The following CDCA5 variants were observed in gnomAD, a reference collection of about 807,000 sequenced individuals.
CDCA5 encodes the protein sororin.
Under a neutral mutation model 25.7 loss-of-function variants are expected in CDCA5, and 14 were observed. That is an observed-to-expected ratio of 0.54 (90% confidence interval 0.36 to 0.85). CDCA5 has a LOEUF of 0.85. Among genes scored for constraint, CDCA5 ranks in the 40% least tolerant of loss-of-function variants. The pLI, the probability that CDCA5 is intolerant of heterozygous loss-of-function variation, is 0.01. For synonymous variants in CDCA5, 127 were observed against 128.7 expected (o/e 0.99, Z 0.09); for missense variants, 307 against 324.5 (o/e 0.95, Z 0.41).
downstream of CDCA5, among the ~76,000 whole-genome samples, chr11:65,063,115 C>G (rs530031020): frequency 6.6e-6 from 1 of 152,238 alleles, no homozygotes; most frequent in African/African-American, 2.4e-5. Flanking sequence ...GGGCACGAGA[C>G]CCCTGGGAAG....
downstream of CDCA5, among the ~76,000 whole-genome samples, chr11:65,064,025 G>C (rs1202803980): frequency 6.6e-6 from 1 of 152,182 alleles, no homozygotes; most frequent in East Asian, 1.9e-4. Context: ...GTTTGGAGCT[G>C]GTTGGGGAGG....
exon 7 of CDCA5, chr11:65,066,431 A>G: frequency 1.6e-6 from 2 of 1,267,588 alleles, no homozygotes; most frequent in Non-Finnish European, 2.0e-6. Context: ...GGGGCAGGTC[A>G]GGCAGCTTGA....
rs376710891 is a variant in CDCA5 at position 65,083,498 on chromosome 11, G to A, written c.194C>T (p.Ala65Val). The A allele has an allele frequency of 2.5e-5, 40 of 1,614,070 alleles. No individual in the cohort carries two copies. In the South Asian group the frequency reaches 4.3e-4, roughly 17 times the overall value. Residue 65 changes from alanine to valine, a missense_variant, in exon 3 of 6, where the codon GCC (alanine) becomes GTC (valine). By Grantham distance (64) the Ala-to-Val change is moderately conservative. Transcript: ENST00000275517. ...CTTAGCCTTTACCTCTACAGCATGGGCCACGATCCTCTTTAAGACGATGGG... is the reference window on the plus strand; with the variant it reads ...CTTAGCCTTTACCTCTACAGCATGGACCACGATCCTCTTTAAGACGATGGG... ...RKPIVLKRIV[A>V]HAVEVPAVQS...
At position 65,066,840 on chromosome 11, in the gene CDCA5, C is replaced by G. The variant is rs756526570; in HGVS notation, c.408G>C (p.Leu136=). The G allele has an allele frequency of 1.5e-5, 19 of 1,289,228 alleles. No individual in the cohort carries two copies. The South Asian group carries it at 2.2e-4, about 15-fold the overall frequency. 79.9% of individuals were successfully genotyped at this position (1,289,228 alleles called of 1,614,324 possible). ...GGTTCTGCAGCTTCTCCCCCAGGGC[C>G]AGGTTGTGCACTTGGGTGGTGTTCA... The change falls in exon 5 of 7, where the codon CTG becomes CTC. Residue 136 remains leucine, a synonymous_variant. Transcript: ENST00000525464.
At chr11:65,075,227 T>C (rs1460843381), downstream of CDCA5, among the ~76,000 whole-genome samples, 2 of 151,738 alleles carry the variant, frequency 1.3e-5, no homozygotes, top group Non-Finnish European at 2.9e-5. Flanking sequence ...CGAAACCCCG[T>C]CTCTACTAAA....
intron 5 of CDCA5, 32 bp from the exon 6 acceptor site, chr11:65,079,219 G>A (rs764587018): frequency 7.1e-6 from 11 of 1,549,440 alleles, no homozygotes; most frequent in Non-Finnish European, 9.6e-6. Flanking sequence ...GCAGGTGAGT[G>A]AGAAGGGAAC....
chr11:65,068,225 GC>G, intron 2 of CDCA5: 1 of 750,256 alleles, frequency 1.3e-6, no homozygotes, highest in Non-Finnish European at 2.0e-6. Flanking sequence ...TCTTTCAGGG[GC>G]CCCATCGTCT....
At chr11:65,075,226 G>T (rs986044154), downstream of CDCA5, among the ~76,000 whole-genome samples, 3 of 151,828 alleles carry the variant, frequency 2.0e-5, no homozygotes, top group Non-Finnish European at 4.4e-5. Context: ...ACGAAACCCC[G>T]TCTCTACTAA....
At chr11:65,075,212 C>T (rs991360920), downstream of CDCA5, among the ~76,000 whole-genome samples, 3 of 151,866 alleles carry the variant, frequency 2.0e-5, no homozygotes, top group African/African-American at 7.3e-5. Flanking sequence ...GCTTGGCCAA[C>T]ATAACGAAAC....
At chr11:65,083,182 G>A in intron 4 of CDCA5, 182 bp downstream of exon 4, 1 of 653,516 alleles carries the variant, frequency 1.5e-6, no homozygotes, top group Non-Finnish European at 2.7e-6. Context: ...GGCATAAAAA[G>A]TTAAGTGTAT....
chr11:65,064,106 G>A (rs1168445300), downstream of CDCA5, among the ~76,000 whole-genome samples: 1 of 152,152 alleles, frequency 6.6e-6, no homozygotes, highest in Non-Finnish European at 1.5e-5. Context: ...CGCTGTCCCA[G>A]GCTGAGACAT....
intron 3 of CDCA5, chr11:65,067,863 T>A: frequency 1.2e-6 from 1 of 821,842 alleles, no homozygotes; most frequent in Non-Finnish European, 1.7e-6. Flanking sequence ...CAGGCCTCTC[T>A]GGGCCTCCTC....
chr11:65,062,399 C>G (rs1024942780), downstream of CDCA5, among the ~76,000 whole-genome samples: 2 of 152,158 alleles, frequency 1.3e-5, no homozygotes, highest in African/African-American at 2.4e-5. Context: ...CCATAGAGCC[C>G]TTCATGTCTC....
At chr11:65,064,403 A>G (rs911309987), downstream of CDCA5, among the ~76,000 whole-genome samples, 1 of 145,610 alleles carries the variant, frequency 6.9e-6, no homozygotes, top group Admixed American at 7.0e-5. Context: ...GGGCGACAGA[A>G]CAAGACTCTG....
intron 4 of CDCA5, among the ~76,000 whole-genome samples, chr11:65,081,628 A>AG (rs1410859989): frequency 6.6e-6 from 1 of 152,034 alleles, no homozygotes; most frequent in Non-Finnish European, 1.5e-5. Flanking sequence ...GTGTTCTTAG[A>AG]GGGGGGAGAG....
downstream of CDCA5, among the ~76,000 whole-genome samples, chr11:65,075,451 T>C (rs377412351): frequency 6.6e-6 from 1 of 152,064 alleles, no homozygotes; most frequent in East Asian, 1.9e-4. Flanking sequence ...ATTGTGTGTT[T>C]TAGGAAATGT....
intron 1 of CDCA5, among the ~76,000 whole-genome samples, chr11:65,071,067 G>A (rs1226922768): frequency 2.0e-5 from 3 of 150,100 alleles, no homozygotes; most frequent in Admixed American, 6.7e-5. Flanking sequence ...TCAGCCTCCC[G>A]AGTAGCTGGG....
At position 65,077,986 on chromosome 11, in the gene CDCA5, G is replaced by A; in HGVS notation, c.*1121C>T. ...ATCCACACTATTGAATCCACACGAT[G>A]GAAAGAAGAGAAAGATGGGGAAATT... On this transcript the variant is annotated 3_prime_UTR_variant, in exon 6 of 6. Coordinates refer to ENST00000275517, the MANE Select transcript of CDCA5 (RefSeq NM_080668.4). The A allele has an allele frequency of 1.0e-6, 1 of 985,424 alleles. No individual in the cohort carries two copies. The highest frequency in any genetic ancestry group is 1.2e-6 in the Non-Finnish European group (1 of 829,956). 61.0% of individuals were successfully genotyped at this position (985,424 alleles called of 1,614,324 possible). A position where few individuals can be genotyped will look rare whatever the true frequency, so the allele number is the denominator to read the frequency against.
chr11:65,083,176 T>C lies in CDCA5; in HGVS notation c.243+188A>G, dbSNP rs1467183331. The C allele has an allele frequency of 6.3e-6, 4 of 634,092 alleles. No individual in the cohort carries two copies. The South Asian group carries it at 7.7e-5, about 12-fold the overall frequency. 39.3% of individuals were successfully genotyped at this position (634,092 alleles called of 1,614,324 possible). On this transcript the variant is annotated intron_variant, in intron 4 of 5. Coordinates refer to ENST00000275517, the MANE Select transcript of CDCA5 (RefSeq NM_080668.4). ...GAAAATGGTAGAAATACACAAGGCA[T>C]AAAAAGTTAAGTGTATTAAGTCTTC...
Sources: allele counts gnomAD v4.1 joint callset (sites outside exome capture counted in the v4.1 genomes callset), GRCh38; gene constraint gnomAD v4.1.1; transcripts MANE v1.5; gene names NCBI Gene and HGNC (gene_info 2026-07-23, HGNC 2026-07-21).